Variants in AKAP7 observed in about 807,000 individuals in gnomAD.
AKAP7 encodes the protein A kinase (PRKA) anchor protein 7.
AKAP7 carries 39 observed loss-of-function variants against 39.5 expected under a neutral mutation model. The observed-to-expected ratio is 0.99, with a 90% confidence interval of 0.76 to 1.29. AKAP7 has a LOEUF of 1.29. AKAP7 is among the 50% of genes most tolerant of loss of function. AKAP7 has a pLI of 0.00. For missense variants in AKAP7, 414 were observed against 407.7 expected (o/e 1.02, Z -0.13); for synonymous variants, 140 against 139.1 (o/e 1.01, Z -0.05).
intron 5 of AKAP7, among the ~76,000 whole-genome samples, chr6:131,197,180 A>T (rs1440253586): frequency 1.3e-5 from 2 of 151,912 alleles, no homozygotes; most frequent in African/African-American, 4.8e-5. Flanking sequence ...AATTAATTTT[A>T]TTATCTTCAT....
rs974778451 is a variant in AKAP7 at position 131,281,346 on chromosome 6, C to G, written c.851-184C>G. Reference sequence around the variant, plus strand: ...TAATGAACTACTTTTCAATCTGAAGCCTTCAGGAATAGACAGGCTCCTGCT... The same window carrying G: ...TAATGAACTACTTTTCAATCTGAAGGCTTCAGGAATAGACAGGCTCCTGCT... On this transcript the variant is annotated intron_variant, in intron 7 of 7. Transcript: ENST00000431975. The surrounding 1 kb of genome is among the most constrained non-coding windows in gnomAD (Gnocchi z 4.0). Among the ~76,000 whole-genome samples, 2 of 152,172 alleles carry G rather than the reference C, an allele frequency of 1.3e-5. No homozygotes were observed. Among genetic ancestry groups the G allele is most frequent in the African/African-American group, 2.4e-5 (1 of 41,438 alleles).
chr6:131,243,470 G>T (rs1030988503), intron 7 of AKAP7, among the ~76,000 whole-genome samples: 4 of 152,206 alleles, frequency 2.6e-5, no homozygotes, highest in African/African-American at 9.7e-5. Context: ...TTTGAGACCT[G>T]CCAAGAGCAG....
the AKAP7 span, among the ~76,000 whole-genome samples, chr6:131,129,027 C>T: frequency 6.6e-6 from 1 of 151,936 alleles, no homozygotes; most frequent in African/African-American, 2.4e-5. Context: ...TGGCTCACGC[C>T]TGTAATCCCA....
intron 5 of AKAP7, among the ~76,000 whole-genome samples, chr6:131,197,885 C>G (rs994259678): frequency 1.3e-5 from 2 of 152,094 alleles, no homozygotes; most frequent in Non-Finnish European, 2.9e-5. Flanking sequence ...TGTGAAGGCC[C>G]CGAGCTGTGG....
intron 3 of AKAP7, among the ~76,000 whole-genome samples, chr6:131,160,833 A>G (rs1314248327): frequency 6.6e-6 from 1 of 152,258 alleles, no homozygotes; most frequent in Non-Finnish European, 1.5e-5. Context: ...TAATGCAATA[A>G]ATAATAGGAA....
intron 5 of AKAP7, chr6:131,184,759 G>T: frequency 9.2e-7 from 1 of 1,084,902 alleles, no homozygotes; most frequent in Non-Finnish European, 1.4e-6. Flanking sequence ...AACAGGAGTG[G>T]GTGGTTGGGA....
At chr6:131,170,374 A>T (rs920861220) in intron 5 of AKAP7, among the ~76,000 whole-genome samples, 1 of 152,138 alleles carries the variant, frequency 6.6e-6, no homozygotes, top group African/African-American at 2.4e-5. Context: ...AAAGAAAAAA[A>T]AAATAATAAC....
Position 131,269,064 on chromosome 6 carries a change from C to CT in AKAP7, c.851-12457dup, listed in dbSNP as rs201175148. 2.1e-3 allele frequency among the ~76,000 whole-genome samples: 323 copies of CT among 151,568 alleles called. 1 individual carries two copies. The highest frequency in any genetic ancestry group is 7.3e-3 in the African/African-American group (302 of 41,370). On this transcript the variant is annotated intron_variant, in intron 7 of 7. Coordinates refer to ENST00000431975, the MANE Select transcript of AKAP7 (RefSeq NM_016377.4). ...GGAATTGTGTTTGGAATACATACTA[C>CT]TTTTTTTTTGGAAACAGAGTCTCAC... is the stretch of plus-strand genomic sequence containing the variant.
At chr6:131,134,723 G>A (rs1800411967), upstream of AKAP7, among the ~76,000 whole-genome samples, 1 of 152,204 alleles carries the variant, frequency 6.6e-6, no homozygotes, top group Non-Finnish European at 1.5e-5. Flanking sequence ...CTTTACGCCA[G>A]CTGTTGTGGC....
chr6:131,234,483 G>A (rs34409673), intron 7 of AKAP7, among the ~76,000 whole-genome samples: 1 of 152,000 alleles, frequency 6.6e-6, no homozygotes, highest in South Asian at 2.1e-4. Context: ...GTGGAGGGAG[G>A]CAAATGAAAG....
At chr6:131,254,899 A>G (rs898282903) in intron 7 of AKAP7, among the ~76,000 whole-genome samples, 2 of 152,212 alleles carry the variant, frequency 1.3e-5, no homozygotes, top group African/African-American at 4.8e-5. Flanking sequence ...TACTCATTTT[A>G]TAAATATGAG....
At chr6:131,188,351 T>C (rs1393425071) in intron 5 of AKAP7, among the ~76,000 whole-genome samples, 1 of 152,236 alleles carries the variant, frequency 6.6e-6, no homozygotes, top group African/African-American at 2.4e-5. Flanking sequence ...AAAACAGCTT[T>C]ATGGCTTTTA....
intron 5 of AKAP7, among the ~76,000 whole-genome samples, chr6:131,195,559 C>T (rs1214894179): frequency 6.6e-6 from 1 of 152,100 alleles, no homozygotes; most frequent in Non-Finnish European, 1.5e-5. Context: ...TCTTATTGCT[C>T]ATTAATGTCC....
At chr6:131,203,374 C>T (rs77942794) in intron 6 of AKAP7, among the ~76,000 whole-genome samples, 2,518 of 152,072 alleles carry the variant, frequency 0.017, 74 homozygotes, top group African/African-American at 0.057. Flanking sequence ...TAAAGATGAT[C>T]GTGGAATGTA....
At chr6:131,272,457 G>A (rs1487484670) in intron 7 of AKAP7, among the ~76,000 whole-genome samples, 2 of 152,050 alleles carry the variant, frequency 1.3e-5, no homozygotes, top group African/African-American at 4.8e-5. Flanking sequence ...TGGTAGCTTT[G>A]ATAACTGACT....
intron 5 of AKAP7, among the ~76,000 whole-genome samples, chr6:131,198,146 C>G (rs1005293117): frequency 2.0e-5 from 3 of 152,162 alleles, no homozygotes; most frequent in African/African-American, 7.2e-5. Flanking sequence ...TACATTATGT[C>G]AGACATGCAA....
chr6:131,203,828 C>G (rs1327590020), intron 6 of AKAP7, among the ~76,000 whole-genome samples: 1 of 152,108 alleles, frequency 6.6e-6, no homozygotes, highest in Non-Finnish European at 1.5e-5. Context: ...AGGTTGATTT[C>G]TGTTTCTTTG....
chr6:131,250,523 T>A (rs142308789), intron 7 of AKAP7: 28,970 of 1,613,394 alleles, frequency 0.018, 330 homozygotes, highest in Non-Finnish European at 0.022. Flanking sequence ...CTATTTGGGG[T>A]CCTCACGGAG....
the AKAP7 span, among the ~76,000 whole-genome samples, chr6:131,128,541 G>C: frequency 6.6e-6 from 1 of 152,080 alleles, no homozygotes; most frequent in Non-Finnish European, 1.5e-5. Flanking sequence ...ATAATTTAAG[G>C]CTGGGTGTGG....
Sources: allele counts gnomAD v4.1 joint callset (sites outside exome capture counted in the v4.1 genomes callset), GRCh38; gene constraint gnomAD v4.1.1; non-coding constraint Gnocchi (gnomAD v3.1); transcripts MANE v1.5; gene names NCBI Gene and HGNC (gene_info 2026-07-23, HGNC 2026-07-21).